HECTD4: variants seen among roughly 807,000 people sequenced by gnomAD.
HECTD4 encodes HECT domain E3 ubiquitin protein ligase 4, also known as probable E3 ubiquitin-protein ligase HECTD4.
A neutral mutation model predicts 471.5 loss-of-function variants in HECTD4; 114 were observed. The observed-to-expected ratio is 0.24, with a 90% CI of 0.21 to 0.28. HECTD4 has a LOEUF of 0.28. HECTD4 is among the 10% of genes least tolerant of loss of function. The pLI is 1.00. For synonymous variants in HECTD4, 2,012 were observed against 2,256.0 expected (o/e 0.89, Z 3.07); for missense variants, 3,866 against 5,651.5 (o/e 0.68, Z 10.13).
At chr12:112,336,555 T>C (rs757566830) in intron 1 of HECTD4, among the ~76,000 whole-genome samples, 2 of 151,892 alleles carry the variant, frequency 1.3e-5, no homozygotes, top group Admixed American at 6.6e-5. Flanking sequence ...TTATAAAAAT[T>C]GGAAATTTGA....
At position 112,208,574 on chromosome 12, in the gene HECTD4, T is replaced by C; in HGVS notation, c.7924A>G (p.Ile2642Val). The C allele has an allele frequency of 6.2e-7, 1 of 1,608,206 alleles. No individual in the cohort carries two copies. Among genetic ancestry groups the C allele is most frequent in the South Asian group, 1.1e-5 (1 of 89,960 alleles). The change falls in exon 51 of 76, where the codon ATC becomes GTC. Residue 2642 changes from isoleucine (I) to valine (V), a missense_variant. Coordinates refer to ENST00000682272, the MANE Select transcript of HECTD4 (RefSeq NM_001388303.1). ...YKVELSYENFITSGPDPHPPP... is the reference protein window; with the variant it reads ...YKVELSYENFVTSGPDPHPPP... ...GGGTGAGGGTCTGGGCCAGAGGTGA[T>C]GAAATTCTCATAGCTGAGCTCGACT...
intron 62 of HECTD4, among the ~76,000 whole-genome samples, chr12:112,180,012 G>T (rs1017115396): frequency 8.5e-5 from 13 of 152,196 alleles, no homozygotes; most frequent in Non-Finnish European, 1.6e-4. Context: ...CACTCCAGAA[G>T]GTGCTCTCAC....
chr12:112,247,977 T>TACAC (rs59881558), intron 27 of HECTD4, 90 bp downstream of exon 27: 8,009 of 677,040 alleles, frequency 0.012, 64 homozygotes, highest in East Asian at 0.071. Context: ...TTATTTTACC[T>TACAC]ACACACACAC....
In HECTD4 at chr12:112,166,880, G is replaced by T. The variant is rs976002716; in HGVS notation, c.12534+437C>A. 3 of 157,438 alleles carry T rather than the reference G, an allele frequency of 1.9e-5. No individual in the cohort carries two copies. Among genetic ancestry groups the T allele is most frequent in the Non-Finnish European group, 4.2e-5 (3 of 71,852 alleles). The allele number at this position is 157,438 out of a possible 1,614,324, so 9.8% of individuals were successfully genotyped here. On this transcript the variant is annotated intron_variant, in intron 72 of 75. Coordinates refer to ENST00000682272, the MANE Select transcript of HECTD4 (RefSeq NM_001388303.1). The surrounding 1 kb of genome is among the most constrained non-coding windows in gnomAD (Gnocchi z 4.6). Reference sequence around the variant, plus strand: ...CTGTCAACATCTGTGCGTGGCGTACGCATGCCCTGGACAGGCAGGAAGGGC... The same window carrying T: ...CTGTCAACATCTGTGCGTGGCGTACTCATGCCCTGGACAGGCAGGAAGGGC...
At chr12:112,296,676 CAGCAAG>C (rs2035027050) in intron 7 of HECTD4, among the ~76,000 whole-genome samples, 1 of 144,336 alleles carries the variant, frequency 6.9e-6, no homozygotes, top group Admixed American at 7.0e-5. Context: ...GGTGTAGGTG[CAGCAAG>C]TGGTAACTAC....
intron 45 of HECTD4, among the ~76,000 whole-genome samples, chr12:112,217,935 T>C (rs999835743): frequency 1.3e-5 from 2 of 152,156 alleles, no homozygotes; most frequent in Non-Finnish European, 2.9e-5. Flanking sequence ...ATTCTAATCA[T>C]AAAAATCTCA....
intron 7 of HECTD4, among the ~76,000 whole-genome samples, chr12:112,285,435 C>T (rs571983335): frequency 6.6e-6 from 1 of 152,178 alleles, no homozygotes; most frequent in African/African-American, 2.4e-5. Context: ...AAAAAGAATC[C>T]TCCCCAGCAC....
chr12:112,176,755 A>G, intron 64 of HECTD4, 53 bp from the exon 65 acceptor site: 1 of 1,273,512 alleles, frequency 7.9e-7, no homozygotes, highest in South Asian at 1.2e-5. Context: ...CCTCCTCCCG[A>G]TAGGAAATAC....
chr12:112,265,534 C>T (rs142675836), intron 15 of HECTD4, among the ~76,000 whole-genome samples: 9 of 152,242 alleles, frequency 5.9e-5, no homozygotes, highest in East Asian at 1.9e-4. Flanking sequence ...ACAACACCTT[C>T]GTCCCCTTCA....
rs775753547 is a variant in HECTD4 at position 112,228,845 on chromosome 12, G to A, written c.6520-34C>T. The A allele has an allele frequency of 1.3e-6, 2 of 1,589,810 alleles. No homozygotes were observed. The highest frequency in any genetic ancestry group is 8.5e-7 in the Non-Finnish European group (1 of 1,169,972). On this transcript the variant is annotated intron_variant, in intron 41 of 75. Transcript: ENST00000682272. This position sits in a 1 kb window ranked among gnomAD's most constrained non-coding sequence, Gnocchi z 4.9. ...AGACATAGATTAGCACTACCAACCA[G>A]CTCTGACGTGTGGGCAGCTGTCTTA...
intron 37 of HECTD4, among the ~76,000 whole-genome samples, chr12:112,234,645 A>T (rs984805591): frequency 3.9e-5 from 6 of 152,216 alleles, no homozygotes; most frequent in Non-Finnish European, 7.3e-5. Flanking sequence ...TTAAAGATTT[A>T]AAAAAGTGTC....
intron 59 of HECTD4, among the ~76,000 whole-genome samples, chr12:112,191,652 A>G (rs986183996): frequency 6.6e-6 from 1 of 152,210 alleles, no homozygotes; most frequent in Non-Finnish European, 1.5e-5. Context: ...GAATGTTTAC[A>G]TAGTGATAAT....
At chr12:112,378,908 G>C (rs747619322) in intron 1 of HECTD4, among the ~76,000 whole-genome samples, 2 of 152,142 alleles carry the variant, frequency 1.3e-5, no homozygotes, top group Admixed American at 1.3e-4. Context: ...TGGGTGTGGC[G>C]GCATGCGCCT....
intron 13 of HECTD4, among the ~76,000 whole-genome samples, chr12:112,269,035 C>T (rs1267124631): frequency 2.0e-5 from 3 of 150,898 alleles, no homozygotes; most frequent in Non-Finnish European, 4.4e-5. Flanking sequence ...CCACCATGCC[C>T]GGCTAATTTT....
At chr12:112,315,714 C>T (rs752887718) in intron 2 of HECTD4, among the ~76,000 whole-genome samples, 1 of 152,008 alleles carries the variant, frequency 6.6e-6, no homozygotes, top group Non-Finnish European at 1.5e-5. Context: ...CTGCCAGATT[C>T]AATCAGATTT....
intron 48 of HECTD4, among the ~76,000 whole-genome samples, chr12:112,215,819 G>A (rs2032903128): frequency 6.6e-6 from 1 of 152,122 alleles, no homozygotes; most frequent in South Asian, 2.1e-4. Context: ...TTTTTGTAGT[G>A]ATGGGGTTTC....
rs1593926126 is a variant in HECTD4 at position 112,203,867 on chromosome 12, A to G, written c.8270-95T>C. On this transcript the variant is annotated intron_variant, in intron 53 of 75. Transcript: ENST00000682272. ...CTAAAATAGCTCTCCAGATAAACAT[A>G]AAATAATAAAATAAAATAAAATAAA... The G allele has an allele frequency of 4.9e-6, 3 of 614,860 alleles. No homozygotes were observed. The South Asian group carries it at 1.1e-4, about 23-fold the overall frequency. 38.1% of individuals were successfully genotyped at this position (614,860 alleles called of 1,614,324 possible). A position where few individuals can be genotyped will look rare whatever the true frequency, so the allele number is the denominator to read the frequency against.
chr12:112,323,597 A>G (rs957672698), intron 1 of HECTD4, among the ~76,000 whole-genome samples: 6 of 144,720 alleles, frequency 4.1e-5, no homozygotes, highest in Non-Finnish European at 6.1e-5. Flanking sequence ...ACATTCTGGG[A>G]AAAAAAAAAA....
At chr12:112,352,727 C>T (rs1012716804) in intron 1 of HECTD4, among the ~76,000 whole-genome samples, 2 of 152,118 alleles carry the variant, frequency 1.3e-5, no homozygotes, top group Non-Finnish European at 2.9e-5. Flanking sequence ...CCACCTCAGC[C>T]TCCCAAGTAG....
Sources: gnomAD v4.1 joint callset for allele counts (sites outside exome capture counted in the v4.1 genomes callset) on GRCh38, gnomAD v4.1.1 for gene constraint, Gnocchi (gnomAD v3.1) non-coding constraint, MANE v1.5 for transcripts, NCBI Gene and HGNC (gene_info 2026-07-23, HGNC 2026-07-21) for gene names.